The following CNTN5 variants were observed in gnomAD, a reference collection of about 807,000 sequenced individuals.
CNTN5 encodes contactin-5.
A neutral mutation model predicts 129.1 loss-of-function variants in CNTN5; 77 were observed. That is an observed-to-expected ratio of 0.60 (90% CI 0.50 to 0.72). The LOEUF (loss-of-function observed/expected upper bound fraction) is 0.72, where lower values mean the gene tolerates loss of function less well. Among genes scored for constraint, CNTN5 ranks in the 30% least tolerant of loss-of-function variants. The pLI, the probability that CNTN5 is intolerant of heterozygous loss-of-function variation, is 0.00. For synonymous variants in CNTN5, 509 were observed against 465.6 expected (o/e 1.09, Z -1.20); for missense variants, 1,478 against 1,328.8 (o/e 1.11, Z -1.75).
chr11:99,457,418 A>G (rs1330699435), intron 2 of CNTN5, among the ~76,000 whole-genome samples: 9 of 151,830 alleles, frequency 5.9e-5, no homozygotes, highest in Admixed American at 4.6e-4. Flanking sequence ...TTTAGCTGGG[A>G]TGATCAGAGC....
chr11:99,449,648 T>C (rs907301120), intron 2 of CNTN5, among the ~76,000 whole-genome samples: 9 of 152,206 alleles, frequency 5.9e-5, no homozygotes, highest in Non-Finnish European at 8.8e-5. Flanking sequence ...TCACTGATGT[T>C]GGTAGCCTTT....
At chr11:99,179,535 A>G (rs552272932) in intron 1 of CNTN5, among the ~76,000 whole-genome samples, 1 of 152,222 alleles carries the variant, frequency 6.6e-6, no homozygotes, top group African/African-American at 2.4e-5. Context: ...GTTCATATAG[A>G]TATTTCTAAA....
chr11:99,880,226 A>G (rs1443775020), intron 6 of CNTN5, among the ~76,000 whole-genome samples: 1 of 152,224 alleles, frequency 6.6e-6, no homozygotes, highest in African/African-American at 2.4e-5. Flanking sequence ...GACAATAAAT[A>G]GCATTCATGT....
At chr11:99,734,924 C>T (rs2135121212) in intron 3 of CNTN5, among the ~76,000 whole-genome samples, 1 of 152,314 alleles carries the variant, frequency 6.6e-6, no homozygotes, top group African/African-American at 2.4e-5. Flanking sequence ...AAGAGAATGG[C>T]GTGAAGCCGG....
chr11:99,422,480 T>G (rs1942932139), intron 2 of CNTN5, among the ~76,000 whole-genome samples: 2 of 145,754 alleles, frequency 1.4e-5, no homozygotes, highest in South Asian at 2.2e-4. Context: ...ACATCCTGAT[T>G]ATTGAAAAAC....
At chr11:100,248,937 C>T (rs1010952227) in intron 16 of CNTN5, among the ~76,000 whole-genome samples, 3 of 152,146 alleles carry the variant, frequency 2.0e-5, no homozygotes, top group African/African-American at 7.2e-5. Flanking sequence ...ACAAATTTGA[C>T]CCGTTATCAA....
intron 3 of CNTN5, among the ~76,000 whole-genome samples, chr11:99,780,174 GT>G (rs200992241): frequency 2.6e-4 from 40 of 151,910 alleles, no homozygotes; most frequent in African/African-American, 2.2e-4. Context: ...CTCCTTCTTA[GT>G]TTTTTTCCCC....
intron 6 of CNTN5, among the ~76,000 whole-genome samples, chr11:99,869,817 T>C (rs1211467986): frequency 6.6e-6 from 1 of 152,230 alleles, no homozygotes; most frequent in East Asian, 1.9e-4. Context: ...TTCAGATCTA[T>C]GTGGCAAAGA....
chr11:100,087,312 A>G (rs917007605), intron 13 of CNTN5, among the ~76,000 whole-genome samples: 1 of 151,898 alleles, frequency 6.6e-6, no homozygotes, highest in Non-Finnish European at 1.5e-5. Flanking sequence ...AAATAATTTC[A>G]TAACTATTAA....
At chr11:99,687,281 A>G (rs1953836793) in intron 3 of CNTN5, among the ~76,000 whole-genome samples, 1 of 152,198 alleles carries the variant, frequency 6.6e-6, no homozygotes, top group Non-Finnish European at 1.5e-5. Context: ...GCTTAATATT[A>G]TATTAACAAG....
chr11:99,504,811 T>C (rs1361192163), intron 2 of CNTN5, among the ~76,000 whole-genome samples: 1 of 152,162 alleles, frequency 6.6e-6, no homozygotes, highest in Non-Finnish European at 1.5e-5. Flanking sequence ...CCCTTGACCT[T>C]GAAATTGCAT....
intron 4 of CNTN5, among the ~76,000 whole-genome samples, chr11:99,840,668 G>A (rs1208513101): frequency 6.6e-6 from 1 of 152,110 alleles, no homozygotes; most frequent in Admixed American, 6.5e-5. Flanking sequence ...GCTTTTATGA[G>A]ACGTTAACAT....
chr11:99,531,011 C>A (rs1392382517), intron 2 of CNTN5, among the ~76,000 whole-genome samples: 2 of 152,198 alleles, frequency 1.3e-5, no homozygotes, highest in African/African-American at 4.8e-5. Context: ...AACTTTGAAA[C>A]TGGGTAACAG....
chr11:99,082,144 G>A (rs964616634), intron 1 of CNTN5, among the ~76,000 whole-genome samples: 3 of 151,166 alleles, frequency 2.0e-5, no homozygotes, highest in Non-Finnish European at 4.4e-5. Context: ...TGTTGCCAAT[G>A]CCAGTGGTGC....
At position 99,200,039 on chromosome 11, in the gene CNTN5, G is replaced by T. The variant is rs114027821; in HGVS notation, c.-209-125307G>T. The stretch of plus-strand genomic sequence containing the variant: ...TCTTTGTTCTGTTTCCTACTGTATT[G>T]CTTCCCAATACTATACAGATTACCT... On this transcript the variant is annotated intron_variant, in intron 1 of 24. Transcript: ENST00000524871. Among the ~76,000 whole-genome samples the T allele has an allele frequency of 3.8e-3, 583 of 152,082 alleles. 1 individual carries two copies. The highest frequency in any genetic ancestry group is 0.013 in the African/African-American group (536 of 41,482).
At chr11:99,499,115 A>G (rs2135376916) in intron 2 of CNTN5, among the ~76,000 whole-genome samples, 1 of 152,324 alleles carries the variant, frequency 6.6e-6, no homozygotes, top group South Asian at 2.1e-4. Flanking sequence ...GTGATATCAT[A>G]TCTAAATTTT....
intron 4 of CNTN5, among the ~76,000 whole-genome samples, chr11:99,835,636 A>G (rs767207005): frequency 4.5e-4 from 69 of 152,268 alleles, no homozygotes; most frequent in South Asian, 4.1e-4. Flanking sequence ...AAGGGTTAAC[A>G]TAGGATTTAG....
At chr11:99,432,366 C>CA (rs1943406986) in intron 2 of CNTN5, among the ~76,000 whole-genome samples, 3 of 151,916 alleles carry the variant, frequency 2.0e-5, no homozygotes, top group South Asian at 2.1e-4. Context: ...TGCACAGATA[C>CA]AAAAAAAGTA....
At chr11:99,738,645 G>A (rs1020282690) in intron 3 of CNTN5, among the ~76,000 whole-genome samples, 7 of 151,378 alleles carry the variant, frequency 4.6e-5, no homozygotes, top group Admixed American at 2.6e-4. Context: ...GTGTGTGTAT[G>A]TGTGTGTAGA....
Sources: gnomAD v4.1 joint callset for allele counts (sites outside exome capture counted in the v4.1 genomes callset) on GRCh38, gnomAD v4.1.1 for gene constraint, MANE v1.5 for transcripts, NCBI Gene and HGNC (gene_info 2026-07-23, HGNC 2026-07-21) for gene names.